The following GLOD4 variants were observed in gnomAD, a reference collection of about 807,000 sequenced individuals.
The protein encoded by GLOD4 is glyoxalase domain containing 4.
GLOD4 carries 44 observed loss-of-function variants against 39.1 expected under a neutral mutation model. That is an observed-to-expected ratio of 1.13 (90% CI 0.88 to 1.45). The LOEUF (loss-of-function observed/expected upper bound fraction) is 1.45, where lower values mean the gene tolerates loss of function less well. Ranked by LOEUF, GLOD4 falls within the 40% of genes most tolerant of loss-of-function variation. The probability of loss-of-function intolerance (pLI) is 0.00; values close to 1 mark genes in which losing one functional copy is unlikely to be tolerated. For missense variants in GLOD4, 405 were observed against 366.4 expected (o/e 1.11, Z -0.86); for synonymous variants, 145 against 135.0 (o/e 1.07, Z -0.52).
At chr17:761,054 G>C (rs893401459) in intron 8 of GLOD4, among the ~76,000 whole-genome samples, 1 of 152,236 alleles carries the variant, frequency 6.6e-6, no homozygotes. Flanking sequence ...AAAAGAGCCA[G>C]GTACCACGCT....
At chr17:783,465 T>A, upstream of GLOD4, 1 of 805,390 alleles carries the variant, frequency 1.2e-6, no homozygotes, top group Non-Finnish European at 1.8e-6. Flanking sequence ...GCCTCCGCAG[T>A]AGCTGGGATT....
At chr17:778,621 C>G (rs751298936) in intron 2 of GLOD4, 74 bp downstream of exon 2, 1 of 921,128 alleles carries the variant, frequency 1.1e-6, no homozygotes, top group Non-Finnish European at 1.8e-6. Context: ...TTTATACTCA[C>G]TTTGAGAAAC....
rs770601756 is a variant in GLOD4 at position 782,178 on chromosome 17, G to A, written c.78C>T (p.Val26=). ...CCCCGGCCTGCACCTTCATCCCCAGGACGTCCCGATAGAAACGCGCCGTCT... is the reference window on the plus strand; with the variant it reads ...CCCCGGCCTGCACCTTCATCCCCAGAACGTCCCGATAGAAACGCGCCGTCT... The part of the protein sequence containing the change: ...RFQTARFYRD[V]LGMKVLRHEE... The change falls in exon 1 of 9, where the codon GTC becomes GTT. Residue 26 remains valine, a synonymous_variant. Coordinates refer to ENST00000301329, the MANE Select transcript of GLOD4 (RefSeq NM_016080.4). 1.9e-6 allele frequency: 3 copies of A among 1,605,880 alleles called. No homozygotes were observed. The highest frequency in any genetic ancestry group is 2.2e-5 in the South Asian group (2 of 90,590).
chr17:760,313 T>C (rs1905227446), intron 8 of GLOD4, 75 bp from the exon 9 acceptor site: 4 of 746,170 alleles, frequency 5.4e-6, no homozygotes, highest in East Asian at 2.5e-5. Flanking sequence ...TATATCTCAC[T>C]GTACTGACCA....
At chr17:760,452 C>T (rs1356099367) in intron 8 of GLOD4, among the ~76,000 whole-genome samples, 3 of 152,076 alleles carry the variant, frequency 2.0e-5, no homozygotes, top group African/African-American at 7.2e-5. Context: ...TTCAATAAGG[C>T]AAGAGATACT....
At chr17:766,964 G>T (rs991797153) in intron 8 of GLOD4, among the ~76,000 whole-genome samples, 1 of 152,200 alleles carries the variant, frequency 6.6e-6, no homozygotes, top group Non-Finnish European at 1.5e-5. Flanking sequence ...TGGCAAATTT[G>T]TCAGCTGAGA....
At chr17:774,427 G>T (rs939460443) in intron 4 of GLOD4, among the ~76,000 whole-genome samples, 1 of 152,184 alleles carries the variant, frequency 6.6e-6, no homozygotes, top group Non-Finnish European at 1.5e-5. Context: ...CATTTTCCCC[G>T]TTTTTGCTTT....
At chr17:780,177 T>TA (rs1329550352) in intron 1 of GLOD4, among the ~76,000 whole-genome samples, 1 of 151,552 alleles carries the variant, frequency 6.6e-6, no homozygotes, top group Non-Finnish European at 1.5e-5. Flanking sequence ...ATAAAAAAAA[T>TA]AAAAAATAAA....
intron 8 of GLOD4, among the ~76,000 whole-genome samples, chr17:766,983 G>A (rs1906689732): frequency 6.6e-6 from 1 of 152,234 alleles, no homozygotes; most frequent in Non-Finnish European, 1.5e-5. Context: ...GAGGATGACA[G>A]ATTCTACTTT....
chr17:778,658 G>A (rs1442867514), intron 2 of GLOD4, 37 bp downstream of exon 2: 2 of 1,206,074 alleles, frequency 1.7e-6, no homozygotes, highest in Admixed American at 3.4e-5. Flanking sequence ...GGTGTAGTCA[G>A]AGCCTAAAGG....
intron 4 of GLOD4, among the ~76,000 whole-genome samples, chr17:773,053 C>T (rs1908266463): frequency 6.6e-6 from 1 of 151,670 alleles, no homozygotes; most frequent in South Asian, 2.1e-4. Context: ...TTAGAATTCA[C>T]ATAAAATCCT....
At chr17:783,303 C>G (rs1329029976), upstream of GLOD4, 1 of 1,613,520 alleles carries the variant, frequency 6.2e-7, no homozygotes, top group African/African-American at 1.3e-5. Context: ...TTGGTCCGAC[C>G]TCGTAACGCC....
chr17:759,794 A>G lies in GLOD4; in HGVS notation c.*379T>C. On this transcript the variant is annotated 3_prime_UTR_variant, in exon 9 of 9. Transcript: ENST00000301329. ...CACGACAAGGCATTAATGTGGATTC[A>G]CTTGCACAGCTGCTCTCATAAAAGC... is the stretch of plus-strand genomic sequence containing the variant. The G allele has an allele frequency of 5.5e-6, 1 of 180,870 alleles. No individual in the cohort carries two copies. 11.2% of individuals were successfully genotyped at this position (180,870 alleles called of 1,614,324 possible).
At chr17:776,544 G>A (rs920661595) in intron 3 of GLOD4, among the ~76,000 whole-genome samples, 9 of 151,952 alleles carry the variant, frequency 5.9e-5, no homozygotes, top group Non-Finnish European at 1.2e-4. Flanking sequence ...GGTGACTTAC[G>A]GCCTAGGAGG....
rs1909367336 is a variant in GLOD4, at chr17:778,725, A to G, written c.110T>C (p.Phe37Ser). ...LGMKVLRHEE[F>S]EEGCKAACNG... Reference sequence around the variant, plus strand: ...ACAGGCAGCTTTGCAGCCTTCTTCAAATTCCTCATGCCGCAGAACCTGGTG... The same window carrying G: ...ACAGGCAGCTTTGCAGCCTTCTTCAGATTCCTCATGCCGCAGAACCTGGTG... Residue 37 changes from phenylalanine (F) to serine (S), a missense_variant, in exon 2 of 9, where the codon TTT becomes TCT. Phe to Ser is a radical substitution (Grantham distance 155). Transcript: ENST00000301329. 1.2e-6 allele frequency: 2 copies of G among 1,604,138 alleles called. No homozygotes were observed. Among genetic ancestry groups the G allele is most frequent in the South Asian group, 2.2e-5 (2 of 90,874 alleles).
intron 8 of GLOD4, among the ~76,000 whole-genome samples, chr17:768,989 C>T (rs1907373816): frequency 6.6e-6 from 1 of 152,242 alleles, no homozygotes; most frequent in South Asian, 2.1e-4. Flanking sequence ...AAGGAGAAAT[C>T]TGGAGAGGAG....
intron 1 of GLOD4, among the ~76,000 whole-genome samples, chr17:779,053 G>A (rs1909416951): frequency 6.6e-6 from 1 of 152,044 alleles, no homozygotes; most frequent in Non-Finnish European, 1.5e-5. Flanking sequence ...AGTGACTCAC[G>A]CCTATAATAC....
At chr17:776,729 G>A (rs1436821460) in intron 3 of GLOD4, 139 bp downstream of exon 3, 4 of 670,334 alleles carry the variant, frequency 6.0e-6, no homozygotes, top group African/African-American at 1.8e-5. Context: ...AGATATCCAC[G>A]TGGCTAACTC....
chr17:764,545 G>C (rs1597575717), intron 8 of GLOD4: 1 of 152,176 alleles, frequency 6.6e-6, no homozygotes, highest in East Asian at 1.9e-4. Context: ...ATTTACACTA[G>C]AATGTTCATG....
Sources: allele counts gnomAD v4.1 joint callset (sites outside exome capture counted in the v4.1 genomes callset), GRCh38; gene constraint gnomAD v4.1.1; transcripts MANE v1.5; gene names NCBI Gene and HGNC (gene_info 2026-07-23, HGNC 2026-07-21).